Variants in CDH4 observed in about 807,000 individuals in gnomAD.
The protein encoded by CDH4 is cadherin 4.
CDH4 carries 33 observed loss-of-function variants against 86.0 expected under a neutral mutation model. That is an observed-to-expected ratio of 0.38 (90% CI 0.29 to 0.51). The LOEUF is 0.51. CDH4 is among the 20% of genes least tolerant of loss of function. The pLI is 0.86. For synonymous variants in CDH4, 555 were observed against 549.4 expected (o/e 1.01, Z -0.14); for missense variants, 1,114 against 1,307.4 (o/e 0.85, Z 2.28).
At chr20:61,304,770 TG>T (rs71857388) in intron 2 of CDH4, among the ~76,000 whole-genome samples, 25,823 of 151,984 alleles carry the variant, frequency 0.17, 2,246 homozygotes, top group African/African-American at 0.19. Flanking sequence ...GTTGTGTGTG[TG>T]GGGTTGTGTG....
In CDH4 at chr20:61,501,306, G is replaced by C. The variant is rs1283722082; in HGVS notation, c.170-242257G>C. On this transcript the variant is annotated intron_variant, in intron 2 of 15. Transcript: ENST00000614565. The surrounding 1 kb of genome is among the most constrained non-coding windows in gnomAD (Gnocchi z 4.2). ...GCGATAATACAGCTAATACATTATT[G>C]CCTCTGGCTTCCGTGCAGAACAGCG... 6.6e-6 allele frequency among the ~76,000 whole-genome samples: 1 copy of C among 152,178 alleles called. No individual in the cohort carries two copies.
chr20:61,802,733 A>G lies in CDH4; in HGVS notation c.576+29551A>G, dbSNP rs139736311. 6.2e-4 allele frequency among the ~76,000 whole-genome samples: 94 copies of G among 152,280 alleles called. No homozygotes were observed. The East Asian group carries it at 0.018, about 29-fold the overall frequency. ...CAGCCTGGGGGCCGGGCAGGGGGAA[A>G]CAGGTGCCACCTGGGCCTAGACGGG... On this transcript the variant is annotated intron_variant, in intron 4 of 15. Coordinates refer to ENST00000614565, the MANE Select transcript of CDH4 (RefSeq NM_001794.5).
At chr20:61,332,794 G>A (rs1292596476) in intron 2 of CDH4, among the ~76,000 whole-genome samples, 1 of 152,226 alleles carries the variant, frequency 6.6e-6, no homozygotes, top group Admixed American at 6.5e-5. Context: ...CCCTGCCCCG[G>A]CTGTGGCGCC....
chr20:61,261,719 C>A (rs1052085551), intron 2 of CDH4, among the ~76,000 whole-genome samples: 1 of 152,112 alleles, frequency 6.6e-6, no homozygotes, highest in Non-Finnish European at 1.5e-5. Context: ...AGGATCGGAC[C>A]CAGATGTTCA....
intron 2 of CDH4, among the ~76,000 whole-genome samples, chr20:61,353,471 C>G (rs1048897143): frequency 6.6e-6 from 1 of 152,028 alleles, no homozygotes; most frequent in African/African-American, 2.4e-5. Context: ...ACCTTGTAAG[C>G]TGCCTTAATA....
intron 2 of CDH4, among the ~76,000 whole-genome samples, chr20:61,523,803 G>A (rs1256825591): frequency 5.9e-5 from 9 of 152,168 alleles, no homozygotes; most frequent in East Asian, 3.9e-4. Context: ...TTTCACTGCC[G>A]GGGAGACCCC....
At chr20:61,786,218 A>T (rs1978872985) in intron 4 of CDH4, among the ~76,000 whole-genome samples, 1 of 151,982 alleles carries the variant, frequency 6.6e-6, no homozygotes, top group Admixed American at 6.6e-5. Context: ...TTGGCCCATC[A>T]CCTACACTTC....
chr20:61,537,821 A>G (rs1057075272), intron 2 of CDH4, among the ~76,000 whole-genome samples: 1 of 152,214 alleles, frequency 6.6e-6, no homozygotes, highest in Non-Finnish European at 1.5e-5. Context: ...GAGTTAGACT[A>G]GGAGAGAATG....
In CDH4 at chr20:61,703,372, A is replaced by G. The variant is rs1415913141; in HGVS notation, c.170-40191A>G. On this transcript the variant is annotated intron_variant, in intron 2 of 15. Coordinates refer to ENST00000614565, the MANE Select transcript of CDH4 (RefSeq NM_001794.5). The surrounding 1 kb of genome is among the most constrained non-coding windows in gnomAD (Gnocchi z 4.3). ...AAAATAGGCCTGGCAGGATGGACAC[A>G]GTTGATACTCGAGCGTGAATGGAGA... 6.6e-6 allele frequency among the ~76,000 whole-genome samples: 1 copy of G among 152,194 alleles called. No individual in the cohort carries two copies. The highest frequency in any genetic ancestry group is 6.5e-5 in the Admixed American group (1 of 15,276).
intron 2 of CDH4, among the ~76,000 whole-genome samples, chr20:61,451,263 G>A (rs1350748940): frequency 1.3e-5 from 2 of 152,040 alleles, no homozygotes; most frequent in African/African-American, 2.4e-5. Flanking sequence ...TTCAAAAAGC[G>A]GCTGCATATA....
chr20:61,750,653 A>AATGC (rs530244240), intron 3 of CDH4, among the ~76,000 whole-genome samples: 59 of 152,374 alleles, frequency 3.9e-4, no homozygotes, highest in Non-Finnish European at 7.6e-4. Flanking sequence ...GGTACAAGCC[A>AATGC]ATGCAGTAAG....
intron 2 of CDH4, among the ~76,000 whole-genome samples, chr20:61,587,702 A>G (rs2086488929): frequency 6.6e-6 from 1 of 152,182 alleles, no homozygotes; most frequent in South Asian, 2.1e-4. Context: ...AGGGTAACTC[A>G]AAGGCGGACG....
intron 2 of CDH4, among the ~76,000 whole-genome samples, chr20:61,620,740 T>G (rs992308007): frequency 6.6e-6 from 1 of 152,260 alleles, no homozygotes; most frequent in Non-Finnish European, 1.5e-5. Context: ...CAATGTTTGT[T>G]TCTTTGTGTT....
chr20:61,921,295 CGTG>C (rs1191711893), intron 9 of CDH4, among the ~76,000 whole-genome samples: 1 of 151,746 alleles, frequency 6.6e-6, no homozygotes, highest in Non-Finnish European at 1.5e-5. Flanking sequence ...TGCATGGAAG[CGTG>C]GTGTCATGGT....
chr20:61,576,817 T>C (rs1017766370), intron 2 of CDH4, among the ~76,000 whole-genome samples: 10 of 152,182 alleles, frequency 6.6e-5, no homozygotes, highest in Admixed American at 2.0e-4. Context: ...TGTGGCAAAA[T>C]GTGTACCTCT....
At position 61,518,639 on chromosome 20, in the gene CDH4, T is replaced by TATCC. The variant is rs1422466268; in HGVS notation, c.170-224917_170-224914dup. Among the ~76,000 whole-genome samples, 4 of 151,392 alleles carry TATCC rather than the reference T, an allele frequency of 2.6e-5. No homozygotes were observed. The highest frequency in any genetic ancestry group is 6.6e-5 in the Admixed American group (1 of 15,200). ...TCCATCCTTCATCCACCTAACCATT[T>TATCC]ATCCATCCATTCATCCTTCCATCTA... is the stretch of plus-strand genomic sequence containing the variant. On this transcript the variant is annotated intron_variant, in intron 2 of 15. Transcript: ENST00000614565. The surrounding 1 kb of genome is among the most constrained non-coding windows in gnomAD (Gnocchi z 6.3).
chr20:61,542,083 C>T (rs2086043592), intron 2 of CDH4, among the ~76,000 whole-genome samples: 1 of 152,190 alleles, frequency 6.6e-6, no homozygotes, highest in African/African-American at 2.4e-5. Flanking sequence ...GCCGGGAATG[C>T]TGAGCCCATA....
chr20:61,890,931 G>T (rs1424867016), intron 7 of CDH4, among the ~76,000 whole-genome samples: 1 of 152,138 alleles, frequency 6.6e-6, no homozygotes, highest in Non-Finnish European at 1.5e-5. Context: ...GGAGAGTCCA[G>T]CCTACAGCAG....
chr20:61,862,664 C>T (rs771380986), intron 6 of CDH4, among the ~76,000 whole-genome samples: 2 of 152,154 alleles, frequency 1.3e-5, no homozygotes, highest in African/African-American at 2.4e-5. Flanking sequence ...TCTCAGGGCT[C>T]GGGAACTCAC....
Sources: allele counts gnomAD v4.1 joint callset (sites outside exome capture counted in the v4.1 genomes callset), GRCh38; gene constraint gnomAD v4.1.1; non-coding constraint Gnocchi (gnomAD v3.1); transcripts MANE v1.5; gene names NCBI Gene and HGNC (gene_info 2026-07-23, HGNC 2026-07-21).